Variants in ANO9 observed in about 807,000 individuals in gnomAD.
ANO9 encodes the protein anoctamin 9, also known as anoctamin-9.
A neutral mutation model predicts 100.5 loss-of-function variants in ANO9; 80 were observed. The ratio of observed to expected loss-of-function variants is 0.80; its 90% CI spans 0.66 to 0.96. ANO9 has a LOEUF of 0.96. Among genes scored for constraint, ANO9 ranks in the 40% least tolerant of loss-of-function variants. The pLI is 0.00. For synonymous variants in ANO9, 473 were observed against 435.6 expected (o/e 1.09, Z -1.07); for missense variants, 1,064 against 1,072.7 (o/e 0.99, Z 0.11).
chr11:436,072 T>C (rs1473831299), intron 1 of ANO9, among the ~76,000 whole-genome samples: 2 of 143,472 alleles, frequency 1.4e-5, no homozygotes, highest in South Asian at 4.6e-4. Flanking sequence ...CCTTTTTTTT[T>C]TTTTTTTTTT....
At position 422,096 on chromosome 11, in the gene ANO9, C is replaced by T. The variant is rs933591330; in HGVS notation, c.1335-898G>A. ...CCAGCAGAACTGGCTTTTCCGTGTGCGGCAAAGCTGCGGGGAAACATGGCA... is the reference window on the plus strand; with the variant it reads ...CCAGCAGAACTGGCTTTTCCGTGTGTGGCAAAGCTGCGGGGAAACATGGCA... On this transcript the variant is annotated intron_variant, in intron 15 of 22. Coordinates refer to ENST00000332826, the MANE Select transcript of ANO9 (RefSeq NM_001012302.3). The surrounding 1 kb of genome is among the most constrained non-coding windows in gnomAD (Gnocchi z 4.3). Among the ~76,000 whole-genome samples the T allele has an allele frequency of 2.7e-4, 41 of 152,262 alleles. No homozygotes were observed. Among genetic ancestry groups the T allele is most frequent in the African/African-American group, 8.9e-4 (37 of 41,532 alleles).
chr11:419,762 C>T (rs1346585516), intron 19 of ANO9, 33 bp from the exon 20 acceptor site: 7 of 1,572,986 alleles, frequency 4.5e-6, no homozygotes, highest in African/African-American at 1.6e-5. Flanking sequence ...CGGTCTGACT[C>T]AGCGTCCCTC....
At chr11:439,710 C>T (rs562327036) in intron 1 of ANO9, among the ~76,000 whole-genome samples, 1 of 152,308 alleles carries the variant, frequency 6.6e-6, no homozygotes, top group South Asian at 2.1e-4. Flanking sequence ...CACCGCAGTC[C>T]CAAGCATGGA....
chr11:421,046 C>A lies in ANO9; in HGVS notation c.1393-4G>T. 6.3e-7 allele frequency: 1 copy of A among 1,599,782 alleles called. No homozygotes were observed. Among genetic ancestry groups the A allele is most frequent in the Non-Finnish European group, 8.5e-7 (1 of 1,169,918 alleles). The stretch of plus-strand genomic sequence containing the variant: ...TCATGCAGCCGCTGGCGTGGCACTG[C>A]GGGGCCAGACAGGAGGAGATCAGGG... On this transcript the variant is annotated splice_region_variant and splice_polypyrimidine_tract_variant and intron_variant, in intron 16 of 22. Transcript: ENST00000332826. This position sits in a 1 kb window ranked among gnomAD's most constrained non-coding sequence, Gnocchi z 6.8.
intron 20 of ANO9, 131 bp downstream of exon 20, chr11:419,451 C>T: frequency 2.8e-6 from 4 of 1,450,006 alleles, no homozygotes; most frequent in Non-Finnish European, 3.6e-6. Flanking sequence ...CCCCCAGGCC[C>T]CAGCCTCACT....
Position 418,872 on chromosome 11 carries a change from A to G in ANO9, c.2036+16T>C. On this transcript the variant is annotated intron_variant, in intron 21 of 22. Coordinates refer to ENST00000332826, the MANE Select transcript of ANO9 (RefSeq NM_001012302.3). ...GGAGTTCAGAGGGCATTCTTGGGGGATGGGGAGTTCCAAACCTGCACAGAG... is the reference window on the plus strand; with the variant it reads ...GGAGTTCAGAGGGCATTCTTGGGGGGTGGGGAGTTCCAAACCTGCACAGAG... 6.2e-7 allele frequency: 1 copy of G among 1,613,490 alleles called. No individual in the cohort carries two copies. The highest frequency in any genetic ancestry group is 8.5e-7 in the Non-Finnish European group (1 of 1,179,966).
chr11:418,251 C>A lies in ANO9; in HGVS notation c.*120G>T, dbSNP rs920421863. On this transcript the variant is annotated 3_prime_UTR_variant, in exon 23 of 23. Transcript: ENST00000332826. Reference sequence around the variant, plus strand: ...GCCCTGAACATACAGGGGATTCCTGCGGCCCCACATGGGCACAGCCTTCTC... The same window carrying A: ...GCCCTGAACATACAGGGGATTCCTGAGGCCCCACATGGGCACAGCCTTCTC... 7.0e-6 allele frequency: 7 copies of A among 1,006,896 alleles called. No homozygotes were observed. The African/African-American group carries it at 1.1e-4, about 16-fold the overall frequency. The allele number at this position is 1,006,896 out of a possible 1,614,324, so 62.4% of individuals were successfully genotyped here.
Position 421,334 on chromosome 11 carries a change from C to T in ANO9, c.1335-136G>A. 3 of 891,402 alleles carry T rather than the reference C, an allele frequency of 3.4e-6. No individual in the cohort carries two copies. The highest frequency in any genetic ancestry group is 5.6e-5 in the East Asian group (2 of 36,036). 55.2% of individuals were successfully genotyped at this position (891,402 alleles called of 1,614,324 possible). A position where few individuals can be genotyped will look rare whatever the true frequency, so the allele number is the denominator to read the frequency against. ...CCTGCAGGTGAGCGGGGCACAGGTG[C>T]TCACACCCAGATGAACCGCACCCGC... On this transcript the variant is annotated intron_variant, in intron 15 of 22. Coordinates refer to ENST00000332826, the MANE Select transcript of ANO9 (RefSeq NM_001012302.3). The surrounding 1 kb of genome is among the most constrained non-coding windows in gnomAD (Gnocchi z 6.8).
chr11:430,111 C>A lies in ANO9; in HGVS notation c.743G>T (p.Arg248Leu). The change falls in exon 9 of 23, where the codon CGG becomes CTG. Residue 248 changes from arginine to leucine, a missense_variant. Physicochemically the swap from Arg to Leu is moderately radical, Grantham distance 102. Transcript: ENST00000332826. ...GGCAAAAGTGCAGGTTTCCGAGAGC[C>A]GCTGGTACCTGCGGCTGTGGTCGCC... The part of the protein sequence containing the change: ...PLGDHSRRYQ[R>L]LSETCTFAKL... The A allele has an allele frequency of 1.3e-6, 2 of 1,552,444 alleles. No homozygotes were observed. The highest frequency in any genetic ancestry group is 1.7e-6 in the Non-Finnish European group (2 of 1,148,424).
Position 428,831 on chromosome 11 carries a change from G to A in ANO9, c.916-5C>T, listed in dbSNP as rs765486596. 4 of 1,612,604 alleles carry A rather than the reference G, an allele frequency of 2.5e-6. No homozygotes were observed. The South Asian group carries it at 4.4e-5, about 18-fold the overall frequency. Reference sequence around the variant, plus strand: ...GAGCTGAAGTGCCATTTCCTCCTGGGGAGAGCACCGGGCAAGCCTCAGACA... The same window carrying A: ...GAGCTGAAGTGCCATTTCCTCCTGGAGAGAGCACCGGGCAAGCCTCAGACA... On this transcript the variant is annotated splice_region_variant and splice_polypyrimidine_tract_variant and intron_variant, in intron 11 of 22. Coordinates refer to ENST00000332826, the MANE Select transcript of ANO9 (RefSeq NM_001012302.3).
chr11:419,086 T>A, intron 20 of ANO9, 97 bp from the exon 21 acceptor site: 1 of 1,576,324 alleles, frequency 6.3e-7, no homozygotes, highest in Non-Finnish European at 8.6e-7. Flanking sequence ...GAGCAAACAG[T>A]GAGGTGGGGG....
chr11:419,617 A>G lies in ANO9; in HGVS notation c.1899T>C (p.Tyr633=), dbSNP rs572522201. 2 of 1,613,540 alleles carry G rather than the reference A, an allele frequency of 1.2e-6. No homozygotes were observed. Among genetic ancestry groups the G allele is most frequent in the South Asian group, 2.2e-5 (2 of 91,082 alleles). ...AGTTGCCTTCTTTCAGGCATGGGCTATAGCGGTACTTGTAGACCACTCGGG... is the reference window on the plus strand; with the variant it reads ...AGTTGCCTTCTTTCAGGCATGGGCTGTAGCGGTACTTGTAGACCACTCGGG... ...FIPRVVYKYR[Y]SPCLKEGNST... Residue 633 remains tyrosine, a synonymous_variant, in exon 20 of 23, where the codon TAT becomes TAC. Transcript: ENST00000332826.
Position 418,119 on chromosome 11 carries a change from TC to T in ANO9, c.*251del. The T allele has an allele frequency of 2.1e-6, 1 of 479,050 alleles. No individual in the cohort carries two copies. Among genetic ancestry groups the T allele is most frequent in the Non-Finnish European group, 3.7e-6 (1 of 271,590 alleles). 29.7% of individuals were successfully genotyped at this position (479,050 alleles called of 1,614,324 possible). A position where few individuals can be genotyped will look rare whatever the true frequency, so the allele number is the denominator to read the frequency against. On this transcript the variant is annotated 3_prime_UTR_variant, in exon 23 of 23. Coordinates refer to ENST00000332826, the MANE Select transcript of ANO9 (RefSeq NM_001012302.3). ...TTGTGGCTGCCTGAGGAGCCCTCAC[TC>T]CCAGTTCTGTGGGTGCCCAGGGTCA...
intron 1 of ANO9, among the ~76,000 whole-genome samples, chr11:437,308 G>A (rs766697211): frequency 3.3e-5 from 5 of 152,138 alleles, no homozygotes; most frequent in Non-Finnish European, 4.4e-5. Flanking sequence ...AGGTTGGGGA[G>A]CACTGCACTA....
chr11:419,025 G>A, intron 20 of ANO9, 36 bp from the exon 21 acceptor site: 5 of 1,611,562 alleles, frequency 3.1e-6, no homozygotes, highest in Non-Finnish European at 4.2e-6. Context: ...GGTGGGGTGG[G>A]CTTCCAGGGC....
intron 1 of ANO9, among the ~76,000 whole-genome samples, chr11:438,911 A>C (rs1845605431): frequency 6.6e-6 from 1 of 152,072 alleles, no homozygotes; most frequent in African/African-American, 2.4e-5. Context: ...CAGGGTAGGG[A>C]CAGGGGCTGT....
chr11:420,633 G>A lies in ANO9; in HGVS notation c.1634-18C>T. The A allele has an allele frequency of 6.2e-7, 1 of 1,603,476 alleles. No individual in the cohort carries two copies. On this transcript the variant is annotated intron_variant, in intron 18 of 22. Transcript: ENST00000332826. The stretch of plus-strand genomic sequence containing the variant: ...CTGGATCACTGCGCGGTGGGGGTCA[G>A]GCTCACCGGCGCCCCGCACTCATGT...
rs1848275578 is a variant in ANO9, at chr11:422,858, C to A, written c.1335-1660G>T. Among the ~76,000 whole-genome samples, 1 of 147,030 alleles carries A rather than the reference C, an allele frequency of 6.8e-6. No homozygotes were observed. Among genetic ancestry groups the A allele is most frequent in the Admixed American group, 6.7e-5 (1 of 14,822 alleles). On this transcript the variant is annotated intron_variant, in intron 15 of 22. Transcript: ENST00000332826. The surrounding 1 kb of genome is among the most constrained non-coding windows in gnomAD (Gnocchi z 4.3). Reference sequence around the variant, plus strand: ...TTTTTTTTTTTTTTTCAGACAGAGTCTTGCTCTGTCACCCAGGCTGGAGTG... The same window carrying A: ...TTTTTTTTTTTTTTTCAGACAGAGTATTGCTCTGTCACCCAGGCTGGAGTG...
At chr11:435,258 GGTATAGTCTA>G (rs1849370358) in intron 1 of ANO9, among the ~76,000 whole-genome samples, 1 of 81,860 alleles carries the variant, frequency 1.2e-5, no homozygotes. Flanking sequence ...AGTCTAGTAT[GGTATAGTCTA>G]GTCTAGTCTA....
Sources: gnomAD v4.1 joint callset for allele counts (sites outside exome capture counted in the v4.1 genomes callset) on GRCh38, gnomAD v4.1.1 for gene constraint, Gnocchi (gnomAD v3.1) non-coding constraint, MANE v1.5 for transcripts, NCBI Gene and HGNC (gene_info 2026-07-23, HGNC 2026-07-21) for gene names.